Variants in DENND1A observed in about 807,000 individuals in gnomAD.
DENND1A encodes DENN domain-containing protein 1A.
A neutral mutation model predicts 113.7 loss-of-function variants in DENND1A; 51 were observed. The observed-to-expected ratio is 0.45, with a 90% CI of 0.36 to 0.57. The LOEUF is 0.57. DENND1A is among the 20% of genes least tolerant of loss of function. DENND1A has a pLI of 0.00. For synonymous variants in DENND1A, 565 were observed against 570.8 expected (o/e 0.99, Z 0.14); for missense variants, 1,258 against 1,395.9 (o/e 0.90, Z 1.57).
chr9:123,884,506 AT>A (rs903770636), intron 1 of DENND1A, among the ~76,000 whole-genome samples: 4 of 151,492 alleles, frequency 2.6e-5, no homozygotes, highest in Non-Finnish European at 5.9e-5. Context: ...CCTGCCAAGC[AT>A]TTTTTTTGCC....
chr9:123,855,345 A>T (rs1844001904), intron 2 of DENND1A, among the ~76,000 whole-genome samples: 1 of 149,536 alleles, frequency 6.7e-6, no homozygotes, highest in Admixed American at 6.6e-5. Context: ...GCAAGGGTAG[A>T]CAGAAAAAAA....
chr9:123,673,680 A>T (rs1019141089), intron 6 of DENND1A, among the ~76,000 whole-genome samples: 4 of 152,178 alleles, frequency 2.6e-5, no homozygotes, highest in African/African-American at 9.7e-5. Context: ...ATGGAATCAC[A>T]ATAGGCACTT....
intron 5 of DENND1A, among the ~76,000 whole-genome samples, chr9:123,714,451 A>G (rs1478686102): frequency 6.6e-6 from 1 of 151,928 alleles, no homozygotes; most frequent in African/African-American, 2.4e-5. Context: ...AAAATACAAA[A>G]ATTAGCCGGG....
chr9:123,560,492 G>A (rs1470691565), intron 12 of DENND1A, among the ~76,000 whole-genome samples: 5 of 152,114 alleles, frequency 3.3e-5, no homozygotes, highest in African/African-American at 7.2e-5. Flanking sequence ...TTCAAAACCA[G>A]CCTGGGCAAC....
chr9:123,518,476 T>C (rs2054121661), intron 13 of DENND1A, among the ~76,000 whole-genome samples: 1 of 152,204 alleles, frequency 6.6e-6, no homozygotes, highest in Admixed American at 6.5e-5. Flanking sequence ...GAGTTGGTCC[T>C]GCCCACCTAC....
chr9:123,678,831 C>G (rs1476053127), intron 5 of DENND1A, among the ~76,000 whole-genome samples: 2 of 152,250 alleles, frequency 1.3e-5, no homozygotes, highest in African/African-American at 2.4e-5. Context: ...ACTGCTGCCA[C>G]TTTGCACAGC....
At chr9:123,385,005 A>G (rs1205353217) in intron 22 of DENND1A, among the ~76,000 whole-genome samples, 1 of 152,140 alleles carries the variant, frequency 6.6e-6, no homozygotes, top group East Asian at 1.9e-4. Flanking sequence ...ACCCCACACC[A>G]CTACTTTGCA....
intron 5 of DENND1A, among the ~76,000 whole-genome samples, chr9:123,730,033 T>C (rs1230937394): frequency 2.0e-5 from 3 of 152,170 alleles, no homozygotes; most frequent in Non-Finnish European, 1.5e-5. Context: ...TAATAAATGG[T>C]GTTGTGAAAA....
chr9:123,628,754 C>T (rs1482142838), intron 10 of DENND1A, among the ~76,000 whole-genome samples: 1 of 152,028 alleles, frequency 6.6e-6, no homozygotes, highest in African/African-American at 2.4e-5. Flanking sequence ...TATGAAGAGA[C>T]ACAGTGAAAA....
intron 5 of DENND1A, among the ~76,000 whole-genome samples, chr9:123,754,094 C>G (rs1049958132): frequency 3.3e-5 from 5 of 152,174 alleles, no homozygotes; most frequent in African/African-American, 1.2e-4. Context: ...AGTTTATGAG[C>G]AGACTTGAGC....
At chr9:123,844,661 T>G (rs1842331405) in intron 2 of DENND1A, among the ~76,000 whole-genome samples, 1 of 152,150 alleles carries the variant, frequency 6.6e-6, no homozygotes, top group African/African-American at 2.4e-5. Flanking sequence ...AATCTACAGA[T>G]TCAATTAAAT....
intron 1 of DENND1A, among the ~76,000 whole-genome samples, chr9:123,924,630 G>A (rs1007760986): frequency 6.7e-6 from 1 of 149,218 alleles, no homozygotes; most frequent in African/African-American, 2.5e-5. Flanking sequence ...CAGCCTGGGG[G>A]ACAGAGTGAA....
At chr9:123,634,447 C>T (rs2061614876) in intron 9 of DENND1A, among the ~76,000 whole-genome samples, 1 of 152,180 alleles carries the variant, frequency 6.6e-6, no homozygotes. Flanking sequence ...TATATCTATA[C>T]TCAATCAGAA....
chr9:123,391,499 C>T (rs1184165420), intron 21 of DENND1A, among the ~76,000 whole-genome samples: 1 of 152,164 alleles, frequency 6.6e-6, no homozygotes, highest in Non-Finnish European at 1.5e-5. Context: ...AAAGGTAGAG[C>T]TAGGAACTGA....
intron 2 of DENND1A, among the ~76,000 whole-genome samples, chr9:123,871,488 C>G (rs371456672): frequency 2.0e-5 from 3 of 152,240 alleles, no homozygotes; most frequent in African/African-American, 7.2e-5. Context: ...AATTTACAGT[C>G]CTGTAAAATG....
intron 11 of DENND1A, among the ~76,000 whole-genome samples, chr9:123,594,074 G>A (rs1439165391): frequency 3.3e-5 from 5 of 152,138 alleles, no homozygotes; most frequent in Non-Finnish European, 5.9e-5. Context: ...GCAGAACCCT[G>A]AGCCAATTAA....
chr9:123,762,157 C>T (rs73667916), intron 4 of DENND1A, among the ~76,000 whole-genome samples: 11,802 of 152,180 alleles, frequency 0.078, 926 homozygotes, highest in African/African-American at 0.2. Context: ...GCTTTCAACT[C>T]GGTTTAAGGA....
chr9:123,726,223 A>AT (rs2067696038), intron 5 of DENND1A, among the ~76,000 whole-genome samples: 1 of 152,202 alleles, frequency 6.6e-6, no homozygotes, highest in African/African-American at 2.4e-5. Flanking sequence ...AGGACTTTAC[A>AT]TGTATTTCAT....
intron 9 of DENND1A, among the ~76,000 whole-genome samples, chr9:123,637,503 G>A (rs545983324): frequency 6.6e-6 from 1 of 152,258 alleles, no homozygotes; most frequent in African/African-American, 2.4e-5. Flanking sequence ...TCATCAAAAC[G>A]TTTTAAGCAA....
Sources: allele counts gnomAD v4.1 joint callset (sites outside exome capture counted in the v4.1 genomes callset), GRCh38; gene constraint gnomAD v4.1.1; transcripts MANE v1.5; gene names NCBI Gene and HGNC (gene_info 2026-07-23, HGNC 2026-07-21).